Variants in INSL6 observed in about 807,000 individuals in gnomAD.
INSL6 encodes the protein insulin-like peptide INSL6.
INSL6 carries 16 observed loss-of-function variants against 9.4 expected under a neutral mutation model. The observed-to-expected ratio is 1.70, with a 90% CI of 1.15 to 2.59. The LOEUF (loss-of-function observed/expected upper bound fraction) is 2.59, where lower values mean the gene tolerates loss of function less well. Among genes scored for constraint, INSL6 ranks in the 30% most tolerant of loss-of-function variants. The probability of loss-of-function intolerance (pLI) is 0.00; values close to 1 mark genes in which losing one functional copy is unlikely to be tolerated. For synonymous variants in INSL6, 154 were observed against 96.9 expected (o/e 1.59, Z -3.46); for missense variants, 391 against 257.3 (o/e 1.52, Z -3.56).
the INSL6 span, chr9:5,054,548 C>CT: frequency 2.1e-5 from 32 of 1,537,174 alleles, no homozygotes; most frequent in Non-Finnish European, 2.6e-5. This position sits in a 1 kb window ranked among gnomAD's most constrained non-coding sequence, Gnocchi z 4.9. Context: ...TCTGTATGTG[C>CT]TTTTTTATCC....
At chr9:5,101,644 T>C in the INSL6 span, among the ~76,000 whole-genome samples, 1 of 152,316 alleles carries the variant, frequency 6.6e-6, no homozygotes, top group African/African-American at 2.4e-5. Flanking sequence ...TGACACCTCA[T>C]ACAGGTGGGT....
chr9:5,016,761 C>A, the INSL6 span, among the ~76,000 whole-genome samples: 1 of 152,148 alleles, frequency 6.6e-6, no homozygotes, highest in Non-Finnish European at 1.5e-5. Flanking sequence ...CCCACTATCC[C>A]AACCCTGCCA....
the INSL6 span, among the ~76,000 whole-genome samples, chr9:5,014,924 A>AT: frequency 5.7e-4 from 73 of 128,926 alleles, no homozygotes; most frequent in African/African-American, 1.5e-3. Flanking sequence ...TTGATTTTTT[A>AT]TTTTTTTTTT....
the INSL6 span, among the ~76,000 whole-genome samples, chr9:5,061,006 C>T: frequency 3.9e-5 from 6 of 152,152 alleles, no homozygotes; most frequent in African/African-American, 1.2e-4. Context: ...TGACCAGGTG[C>T]GTTGTCAATG....
At chr9:5,080,769 A>G in the INSL6 span, 15 of 1,074,636 alleles carry the variant, frequency 1.4e-5, no homozygotes, top group East Asian at 2.7e-5. Context: ...AATTCCTTTA[A>G]AACATTTTCT....
At chr9:5,052,506 C>A in the INSL6 span, among the ~76,000 whole-genome samples, 1 of 151,966 alleles carries the variant, frequency 6.6e-6, no homozygotes, top group Non-Finnish European at 1.5e-5. Flanking sequence ...ATTTACAAAT[C>A]ATAAATCTCA....
chr9:5,054,205 T>C, the INSL6 span, among the ~76,000 whole-genome samples: 1 of 152,070 alleles, frequency 6.6e-6, no homozygotes, highest in African/African-American at 2.4e-5. The surrounding 1 kb of genome is among the most constrained non-coding windows in gnomAD (Gnocchi z 4.9). Flanking sequence ...CAGTTCAATA[T>C]ATGCCAAAAT....
the INSL6 span, among the ~76,000 whole-genome samples, chr9:4,993,956 A>G: frequency 2.6e-5 from 4 of 152,158 alleles, no homozygotes; most frequent in Non-Finnish European, 5.9e-5. Context: ...GTGATCATGT[A>G]TGGATGAGTG....
chr9:5,167,153 A>G (rs2130908181), intron 1 of INSL6, among the ~76,000 whole-genome samples: 1 of 152,338 alleles, frequency 6.6e-6, no homozygotes, highest in Non-Finnish European at 1.5e-5. Flanking sequence ...CCAGCCACAC[A>G]GGGCAAAGGG....
At chr9:5,048,687 A>C in the INSL6 span, among the ~76,000 whole-genome samples, 3 of 152,290 alleles carry the variant, frequency 2.0e-5, no homozygotes, top group East Asian at 5.8e-4. Context: ...ATTTTCTTAT[A>C]TGAAAATATC....
intron 2 of INSL6, among the ~76,000 whole-genome samples, chr9:5,140,246 G>T (rs1824470670): frequency 6.6e-6 from 1 of 152,042 alleles, no homozygotes; most frequent in Non-Finnish European, 1.5e-5. Context: ...CCATATATAA[G>T]AACATTCACA....
the INSL6 span, among the ~76,000 whole-genome samples, chr9:5,118,568 T>C: frequency 1.3e-5 from 2 of 152,150 alleles, no homozygotes; most frequent in African/African-American, 4.8e-5. Context: ...TCCCCTCCAA[T>C]TGGTTTGTAT....
At chr9:5,038,448 TTCAGACAAAGA>T in the INSL6 span, among the ~76,000 whole-genome samples, 1 of 152,144 alleles carries the variant, frequency 6.6e-6, no homozygotes, top group African/African-American at 2.4e-5. Flanking sequence ...TGATAACAAA[TTCAGACAAAGA>T]TGTCTAGAAG....
chr9:5,000,963 C>G, the INSL6 span, among the ~76,000 whole-genome samples: 1 of 152,034 alleles, frequency 6.6e-6, no homozygotes, highest in Non-Finnish European at 1.5e-5. Context: ...TCAGCAAATT[C>G]CCAAGATAGC....
the INSL6 span, among the ~76,000 whole-genome samples, chr9:5,002,828 ATCT>A: frequency 6.6e-6 from 1 of 151,958 alleles, no homozygotes; most frequent in African/African-American, 2.4e-5. Flanking sequence ...TAATTTATAA[ATCT>A]TCTATGATTA....
chr9:5,069,193 C>A, the INSL6 span: 1 of 1,598,404 alleles, frequency 6.3e-7, no homozygotes, highest in South Asian at 1.1e-5. Flanking sequence ...TAAATGCTGT[C>A]CCCCAAAGCC....
chr9:5,111,032 C>A, the INSL6 span: 1 of 877,288 alleles, frequency 1.1e-6, no homozygotes, highest in Non-Finnish European at 1.8e-6. Context: ...GCCTCCCTGG[C>A]CGGGGCGCAA....
chr9:5,052,329 A>G, the INSL6 span, among the ~76,000 whole-genome samples: 1 of 152,052 alleles, frequency 6.6e-6, no homozygotes, highest in Non-Finnish European at 1.5e-5. Context: ...CCTAATGACT[A>G]TTTAGTAACT....
chr9:5,108,751 T>C, the INSL6 span: 1 of 152,080 alleles, frequency 6.6e-6, no homozygotes, highest in Non-Finnish European at 1.5e-5. Context: ...TCCATTTGTC[T>C]ACAAACCGAT....
Sources: gnomAD v4.1 joint callset for allele counts (sites outside exome capture counted in the v4.1 genomes callset) on GRCh38, gnomAD v4.1.1 for gene constraint, Gnocchi (gnomAD v3.1) non-coding constraint, MANE v1.5 for transcripts, NCBI Gene and HGNC (gene_info 2026-07-23, HGNC 2026-07-21) for gene names.